TTN: variants seen among roughly 807,000 people sequenced by gnomAD.
TTN encodes the protein connectin.
TTN carries 1,525 observed loss-of-function variants against 3,223.0 expected under a neutral mutation model. That is an observed-to-expected ratio of 0.47 (90% CI 0.45 to 0.49). The LOEUF (loss-of-function observed/expected upper bound fraction) is 0.49, where lower values mean the gene tolerates loss of function less well. TTN is among the 20% of genes least tolerant of loss of function. TTN has a pLI of 0.00. For missense variants in TTN, 40,786 were observed against 43,424.0 expected (o/e 0.94, Z 5.40); for synonymous variants, 14,094 against 15,161.0 (o/e 0.93, Z 5.17).
At position 178,715,589 on chromosome 2, in the gene TTN, T is replaced by C. The variant is rs1369418506; in HGVS notation, c.25825A>G (p.Met8609Val). Residue 8609 changes from methionine to valine, a missense_variant, in exon 89 of 363, where the codon ATG becomes GTG. By Grantham distance (21) the Met-to-Val change is conservative. Coordinates refer to ENST00000589042, the MANE Select transcript of TTN (RefSeq NM_001267550.2). ...CTGTCTTCAACACTGAGATTGTGCA[T>C]TTCCAGCACAGCCACCGAGTCAACG... ...SFVDSVAVLE[M>V]HNLSVEDSGD... 1 of 1,613,530 alleles carries C rather than the reference T, an allele frequency of 6.2e-7. No individual in the cohort carries two copies. The highest frequency in any genetic ancestry group is 2.2e-5 in the East Asian group (1 of 44,870).
chr2:178,575,138 ACTGTGGG>A lies in TTN; in HGVS notation c.70987_70993del (p.Pro23663Ter). 6.2e-7 allele frequency: 1 copy of A among 1,612,588 alleles called. No homozygotes were observed. Among genetic ancestry groups the A allele is most frequent in the Non-Finnish European group, 8.5e-7 (1 of 1,179,306 alleles). On this transcript the variant is annotated frameshift_variant, in exon 326 of 363. Transcript: ENST00000589042. LOFTEE classifies it high-confidence loss of function. This position sits in a 1 kb window ranked among gnomAD's most constrained non-coding sequence, Gnocchi z 4.0. ...AATTTGGTCTCCTTTTTTCCATGTC[ACTGTGGG>A]CTTCGGTCGACCGAGCACTGGAATT...
rs755931621 is a variant in TTN at position 178,757,631 on chromosome 2, T to A, written c.10589A>T (p.Tyr3530Phe). Residue 3530 changes from tyrosine to phenylalanine, a missense_variant, in exon 45 of 363, where the codon TAC becomes TTC. By Grantham distance (22) the Tyr-to-Phe change is conservative. Transcript: ENST00000589042. ...GMALMLIVDA[Y>F]SEHAGQYSCK... is the part of the protein sequence containing the mutation. The stretch of plus-strand genomic sequence containing the variant: ...AGAGTACTGCCCAGCATGCTCTGAG[T>A]AAGCATCAACTATAAGCATTAAAGC... 4 of 1,613,610 alleles carry A rather than the reference T, an allele frequency of 2.5e-6. No individual in the cohort carries two copies. Among genetic ancestry groups the A allele is most frequent in the Non-Finnish European group, 3.4e-6 (4 of 1,179,722 alleles).
At chr2:178,597,204 G>A (rs1329917352) in intron 294 of TTN, among the ~76,000 whole-genome samples, 1 of 152,036 alleles carries the variant, frequency 6.6e-6, no homozygotes, top group Non-Finnish European at 1.5e-5. Flanking sequence ...TTTATTCTGG[G>A]CCATGATTCA....
Position 178,557,349 on chromosome 2 carries a change from C to T in TTN, c.87913G>A (p.Gly29305Arg). ...THFKVTTISA[G>R]LIYEFRVYAE... ...TACACCCTGAATTCATAAATAAGTC[C>T]AGCACTGATTGTTGTGACTTTGAAG... Residue 29305 changes from glycine (G) to arginine (R), a missense_variant, in exon 329 of 363, where the codon GGA becomes AGA. Gly to Arg is a moderately radical substitution (Grantham distance 125). Coordinates refer to ENST00000589042, the MANE Select transcript of TTN (RefSeq NM_001267550.2). 6.2e-7 allele frequency: 1 copy of T among 1,613,904 alleles called. No homozygotes were observed. The highest frequency in any genetic ancestry group is 1.3e-5 in the African/African-American group (1 of 75,032).
chr2:178,786,205 G>C, intron 13 of TTN, 64 bp from the exon 14 acceptor site: 1 of 1,565,752 alleles, frequency 6.4e-7, no homozygotes, highest in East Asian at 2.3e-5. Flanking sequence ...ATATCTCCTG[G>C]GCATCAGGAC....
intron 336 of TTN, chr2:178,550,514 A>G (rs1698977459): frequency 3.0e-5 from 15 of 492,220 alleles, no homozygotes; most frequent in Non-Finnish European, 5.0e-5. Flanking sequence ...TGCTCTTTGT[A>G]AAAAGGAAAG....
At position 178,600,358 on chromosome 2, in the gene TTN, TAAAC is replaced by T. The variant is rs1489824258; in HGVS notation, c.56050+492_56050+495del. 3 of 149,794 alleles carry T rather than the reference TAAAC, an allele frequency of 2.0e-5. No homozygotes were observed. In the East Asian group the frequency reaches 5.8e-4, roughly 29 times the overall value. The allele number at this position is 149,794 out of a possible 1,614,324, so 9.3% of individuals were successfully genotyped here. On this transcript the variant is annotated intron_variant, in intron 288 of 362. Transcript: ENST00000589042. ...GTTTCTTCACACTTAGATGAGAGAATAAACAAATACACAACAGTAGTGATGGTAA... is the reference window on the plus strand; with the variant it reads ...GTTTCTTCACACTTAGATGAGAGAATAAATACACAACAGTAGTGATGGTAA...
chr2:178,553,466 TTATTAAAAAACA>T (rs1345902717), intron 334 of TTN, 24 bp downstream of exon 334: 1 of 1,579,980 alleles, frequency 6.3e-7, no homozygotes, highest in African/African-American at 1.4e-5. Context: ...GGAAGTATGC[TTATTAAAAAACA>T]TAATCAAACC....
In TTN at chr2:178,577,666, A is replaced by C. The variant is rs1438744287; in HGVS notation, c.68760T>G (p.Asn22920Lys). 6.2e-7 allele frequency: 1 copy of C among 1,613,276 alleles called. No individual in the cohort carries two copies. Residue 22920 changes from asparagine (N) to lysine (K), a missense_variant, in exon 323 of 363, where the codon AAT becomes AAG. Coordinates refer to ENST00000589042, the MANE Select transcript of TTN (RefSeq NM_001267550.2). ...ATGGAGCACTGATAGCACCTGCTGTATTCTTTGCTCTAATTCTGAATTCAT... is the reference window on the plus strand; with the variant it reads ...ATGGAGCACTGATAGCACCTGCTGTCTTCTTTGCTCTAATTCTGAATTCAT... ...GKYEFRIRAK[N>K]TAGAISAPSE...
rs772797555 is a variant in TTN, at chr2:178,652,744, G to C, written c.38960-8C>G. ...CTTTGGGAGCCTCTGGTACTTAAAA[G>C]ATATTAGTGAAATTACATTTAGGGG... On this transcript the variant is annotated splice_region_variant and splice_polypyrimidine_tract_variant and intron_variant, in intron 200 of 362. Coordinates refer to ENST00000589042, the MANE Select transcript of TTN (RefSeq NM_001267550.2). The C allele has an allele frequency of 9.9e-6, 16 of 1,612,016 alleles. No homozygotes were observed. The highest frequency in any genetic ancestry group is 2.2e-5 in the East Asian group (1 of 44,826).
rs1167687090 is a variant in TTN at position 178,533,819 on chromosome 2, T to C, written c.102796A>G (p.Asn34266Asp). 2 of 1,613,998 alleles carry C rather than the reference T, an allele frequency of 1.2e-6. No homozygotes were observed. The highest frequency in any genetic ancestry group is 2.2e-5 in the East Asian group (1 of 44,880). ...TTTTCACCTACATAAGCTGTCTTAT[T>C]ATAGAGAGGCAGGGTAAATTCTGGT... is the stretch of plus-strand genomic sequence containing the variant. ...RPPEFTLPLY[N>D]KTAYVGENVR... Residue 34266 changes from asparagine (N) to aspartate (D), a missense_variant, in exon 358 of 363, where the codon AAT becomes GAT. By Grantham distance (23) the Asn-to-Asp change is conservative. Transcript: ENST00000589042.
chr2:178,539,509 A>G lies in TTN; in HGVS notation c.98556T>C (p.Gly32852=), dbSNP rs373853269. The change falls in exon 352 of 363, where the codon GGT becomes GGC. Residue 32852 remains glycine, a synonymous_variant. Transcript: ENST00000589042. Reference sequence around the variant, plus strand: ...TGAGGCCTTTTACCACCAGAGATGTACCTCGGACTCTGGAATCAATGGTAT... The same window carrying G: ...TGAGGCCTTTTACCACCAGAGATGTGCCTCGGACTCTGGAATCAATGGTAT... ...AWYTIDSRVR[G]TSLVVKGLKE... is the part of the protein sequence containing the mutation. The G allele has an allele frequency of 1.8e-4, 289 of 1,613,578 alleles. No homozygotes were observed. The highest frequency in any genetic ancestry group is 2.3e-4 in the Non-Finnish European group (266 of 1,179,770).
Position 178,581,778 on chromosome 2 carries a change from T to G in TTN, c.66490A>C (p.Lys22164Gln). The stretch of plus-strand genomic sequence containing the variant: ...GAGCTGCGAGTTGTATCATATACTT[T>G]AGGGAAAGCCGGTGGGCCAGGAGGA... ...QYPPGPPAFP[K>Q]VYDTTRSSVS... The change falls in exon 316 of 363, where the codon AAA (lysine) becomes CAA (glutamine). Residue 22164 changes from lysine (K) to glutamine (Q), a missense_variant. Lys to Gln is a moderately conservative substitution (Grantham distance 53). Coordinates refer to ENST00000589042, the MANE Select transcript of TTN (RefSeq NM_001267550.2). 6.2e-7 allele frequency: 1 copy of G among 1,600,724 alleles called. No individual in the cohort carries two copies. The highest frequency in any genetic ancestry group is 8.5e-7 in the Non-Finnish European group (1 of 1,173,196).
rs945123440 is a variant in TTN, at chr2:178,648,793, C to G, written c.40057+455G>C. Among the ~76,000 whole-genome samples the G allele has an allele frequency of 5.9e-5, 9 of 152,272 alleles. No individual in the cohort carries two copies. The South Asian group carries it at 8.3e-4, about 14-fold the overall frequency. ...GCTTCCCATGATGCCTCTGCCTGAA[C>G]TTAATCTTTTCTTGCCGTGTGTTTC... On this transcript the variant is annotated intron_variant, in intron 213 of 362. Transcript: ENST00000589042.
At chr2:178,600,696 T>C in intron 288 of TTN, 158 bp downstream of exon 288, 2 of 830,604 alleles carry the variant, frequency 2.4e-6, no homozygotes, top group South Asian at 1.5e-5. Flanking sequence ...TCTGTGGAAA[T>C]TGAAGGAATG....
At position 178,712,943 on chromosome 2, in the gene TTN, T is replaced by C. The variant is rs2076878438; in HGVS notation, c.27082A>G (p.Met9028Val). ...PPSFVQKPDPMDVLTGTNVTF... is the reference protein window; with the variant it reads ...PPSFVQKPDPVDVLTGTNVTF... Reference sequence around the variant, plus strand: ...ACATTGGTCCCAGTTAAAACATCCATGGGATCAGGTTTCTGAACAAAAGAT... The same window carrying C: ...ACATTGGTCCCAGTTAAAACATCCACGGGATCAGGTTTCTGAACAAAAGAT... Residue 9028 changes from methionine to valine, a missense_variant, in exon 94 of 363, where the codon ATG becomes GTG. Transcript: ENST00000589042. 2 of 1,613,018 alleles carry C rather than the reference T, an allele frequency of 1.2e-6. No individual in the cohort carries two copies. The highest frequency in any genetic ancestry group is 1.7e-6 in the Non-Finnish European group (2 of 1,179,396).
chr2:178,800,656 G>T lies in TTN; in HGVS notation c.322C>A (p.Gln108Lys), dbSNP rs1428387902. The T allele has an allele frequency of 6.2e-7, 1 of 1,609,864 alleles. No individual in the cohort carries two copies. The highest frequency in any genetic ancestry group is 2.2e-5 in the East Asian group (1 of 44,830). ...KAETAPPNFV[Q>K]RLQSMTVRQG... ...CTCACGGTCATGCTCTGCAGTCGTT[G>T]AACGAAGTTGGGTGGTGCTGTCTCA... Residue 108 changes from glutamine (Q) to lysine (K), a missense_variant, in exon 4 of 363, where the codon CAA becomes AAA. Transcript: ENST00000589042.
Position 178,739,954 on chromosome 2 carries a change from C to A in TTN, c.13279G>T (p.Val4427Phe). The A allele has an allele frequency of 1.9e-6, 3 of 1,613,822 alleles. No homozygotes were observed. Among genetic ancestry groups the A allele is most frequent in the South Asian group, 1.1e-5 (1 of 91,072 alleles). ...TCTTGGGTGATGTTTACAGCCTCGACCTCCACCTTTTCAATATTTCTTAGC... is the reference window on the plus strand; with the variant it reads ...TCTTGGGTGATGTTTACAGCCTCGAACTCCACCTTTTCAATATTTCTTAGC... ...EWLRNIEKVE[V>F]EAVNITQEPR... Residue 4427 changes from valine (V) to phenylalanine (F), a missense_variant, in exon 48 of 363, where the codon GTC becomes TTC. Physicochemically the swap from Val to Phe is conservative, Grantham distance 50. Coordinates refer to ENST00000589042, the MANE Select transcript of TTN (RefSeq NM_001267550.2).
chr2:178,629,691 TG>T (rs1290663911), intron 239 of TTN, among the ~76,000 whole-genome samples: 1 of 152,118 alleles, frequency 6.6e-6, no homozygotes, highest in Non-Finnish European at 1.5e-5. Context: ...GTGCTGCATC[TG>T]TCTCTCTGCC....
Sources: allele counts gnomAD v4.1 joint callset (sites outside exome capture counted in the v4.1 genomes callset), GRCh38; gene constraint gnomAD v4.1.1; non-coding constraint Gnocchi (gnomAD v3.1); transcripts MANE v1.5; gene names NCBI Gene and HGNC (gene_info 2026-07-23, HGNC 2026-07-21).